The following KANK1 variants were observed in gnomAD, a reference collection of about 807,000 sequenced individuals.
KANK1 encodes KN motif and ankyrin repeat domain-containing protein 1.
KANK1 carries 109 observed loss-of-function variants against 106.2 expected under a neutral mutation model. That is an observed-to-expected ratio of 1.03 (90% CI 0.88 to 1.20). The LOEUF is 1.20. Ranked by LOEUF, KANK1 falls within the 50% of genes most tolerant of loss-of-function variation. The probability of loss-of-function intolerance (pLI) is 0.00; values close to 1 mark genes in which losing one functional copy is unlikely to be tolerated. For missense variants in KANK1, 2,399 were observed against 1,710.7 expected (o/e 1.40, Z -7.10); for synonymous variants, 873 against 652.2 (o/e 1.34, Z -5.16).
At chr9:710,555 C>T (rs1240536330) in intron 2 of KANK1, among the ~76,000 whole-genome samples, 9 of 140,100 alleles carry the variant, frequency 6.4e-5, no homozygotes, top group Non-Finnish European at 1.2e-4. Flanking sequence ...GAGACGGAGG[C>T]TGCAGTGAAC....
intron 1 of KANK1, among the ~76,000 whole-genome samples, chr9:537,315 A>C (rs947867771): frequency 6.6e-6 from 1 of 152,046 alleles, no homozygotes; most frequent in African/African-American, 2.4e-5. Flanking sequence ...TCCACTTGAC[A>C]CTTGGAATTT....
At chr9:631,290 T>C (rs987502689) in intron 1 of KANK1, among the ~76,000 whole-genome samples, 1 of 152,184 alleles carries the variant, frequency 6.6e-6, no homozygotes, top group Non-Finnish European at 1.5e-5. Context: ...GAAAAAGAAA[T>C]GCTGTGCGGC....
At chr9:580,476 A>C (rs1399684586) in intron 1 of KANK1, among the ~76,000 whole-genome samples, 1 of 152,220 alleles carries the variant, frequency 6.6e-6, no homozygotes, top group African/African-American at 2.4e-5. Context: ...TCAATTTTAC[A>C]GAGAGCTGAT....
At chr9:481,499 G>C (rs1010694102) in intron 3 of KANK1, among the ~76,000 whole-genome samples, 1 of 152,178 alleles carries the variant, frequency 6.6e-6, no homozygotes, top group African/African-American at 2.4e-5. Context: ...TGTGGTAGGA[G>C]AAAGTGGAGT....
intron 1 of KANK1, among the ~76,000 whole-genome samples, chr9:547,135 A>G (rs886101144): frequency 6.6e-6 from 1 of 152,190 alleles, no homozygotes; most frequent in Admixed American, 6.5e-5. Context: ...GCCTTCTCAC[A>G]TTGCAGCACG....
intron 1 of KANK1, among the ~76,000 whole-genome samples, chr9:541,790 G>A (rs775126636): frequency 1.1e-4 from 16 of 151,942 alleles, no homozygotes; most frequent in Admixed American, 7.2e-4. Flanking sequence ...ATAAATAACC[G>A]GATTAAAAAA....
chr9:610,454 G>C (rs1306285822), intron 1 of KANK1, among the ~76,000 whole-genome samples: 2 of 152,140 alleles, frequency 1.3e-5, no homozygotes, highest in Non-Finnish European at 2.9e-5. Flanking sequence ...TAAAGTACTG[G>C]TTTAGATACA....
intron 1 of KANK1, among the ~76,000 whole-genome samples, chr9:625,343 T>A (rs1834096251): frequency 6.6e-6 from 1 of 152,232 alleles, no homozygotes; most frequent in Non-Finnish European, 1.5e-5. Flanking sequence ...CATTTGAATC[T>A]TTAAGAACTT....
At chr9:684,604 C>T (rs1818194011) in intron 2 of KANK1, 5 of 984,042 alleles carry the variant, frequency 5.1e-6, no homozygotes, top group Admixed American at 1.2e-4. Context: ...TCTGATTATG[C>T]ACTTCCCCTC....
chr9:519,159 G>A (rs1053295402), intron 1 of KANK1, among the ~76,000 whole-genome samples: 1 of 151,590 alleles, frequency 6.6e-6, no homozygotes, highest in South Asian at 2.1e-4. Context: ...CAAAGTGCTG[G>A]GATTATAGGC....
At chr9:579,562 A>C (rs1025525832) in intron 1 of KANK1, among the ~76,000 whole-genome samples, 5 of 152,064 alleles carry the variant, frequency 3.3e-5, no homozygotes, top group Non-Finnish European at 7.4e-5. Context: ...TCAGCTCCTC[A>C]GCCCCAATTT....
chr9:673,607 G>A (rs547455590), intron 1 of KANK1: 2 of 152,282 alleles, frequency 1.3e-5, no homozygotes, highest in African/African-American at 4.8e-5. Flanking sequence ...GGAAGGGTGG[G>A]AGGCACCAAT....
At position 711,760 on chromosome 9, in the gene KANK1, C is replaced by A. The variant is rs201141655; in HGVS notation, c.994C>A (p.Leu332Met). The part of the protein sequence containing the change: ...RSYSAGNASQ[L>M]EQLSRARRSG... ...CTATAGTGCGGGGAACGCCTCCCAG[C>A]TGGAACAGCTCTCCCGGGCCCGAAG... Residue 332 changes from leucine to methionine, a missense_variant, in exon 3 of 12, where the codon CTG becomes ATG. Transcript: ENST00000382297. 4.6e-5 allele frequency: 75 copies of A among 1,614,096 alleles called. No individual in the cohort carries two copies. Among genetic ancestry groups the A allele is most frequent in the Non-Finnish European group, 1.1e-5 (13 of 1,180,040 alleles).
chr9:627,410 C>A (rs1834615940), intron 1 of KANK1, among the ~76,000 whole-genome samples: 1 of 151,090 alleles, frequency 6.6e-6, no homozygotes. Flanking sequence ...CTTCTGCCCC[C>A]TCCCACTGGA....
chr9:611,460 C>G (rs150443826), intron 1 of KANK1, among the ~76,000 whole-genome samples: 47 of 152,302 alleles, frequency 3.1e-4, no homozygotes, highest in African/African-American at 1.0e-3. Context: ...TGTCCTCTGT[C>G]TCTCATGCTT....
At chr9:670,244 C>T (rs1199930353) in intron 1 of KANK1, among the ~76,000 whole-genome samples, 1 of 152,086 alleles carries the variant, frequency 6.6e-6, no homozygotes, top group South Asian at 2.1e-4. Flanking sequence ...TTGCTTTATA[C>T]ATTTGGGGAG....
At chr9:514,423 A>C (rs948065323) in intron 1 of KANK1, among the ~76,000 whole-genome samples, 1 of 150,074 alleles carries the variant, frequency 6.7e-6, no homozygotes, top group Admixed American at 6.6e-5. Flanking sequence ...CTTTACCCAA[A>C]TGGAGCCACA....
At chr9:589,268 T>G (rs1040455301) in intron 1 of KANK1, among the ~76,000 whole-genome samples, 4 of 152,188 alleles carry the variant, frequency 2.6e-5, no homozygotes, top group African/African-American at 7.2e-5. Context: ...ATTAAGTGGC[T>G]TGCTCACTGA....
At position 518,521 on chromosome 9, in the gene KANK1, G is replaced by A. The variant is rs16917463; in HGVS notation, c.-84+13767G>A. ...GGTTCGGAGCATGGGTTCTAGAATC[G>A]AAACTCTACTATTTCCTGCGAGGTG... On this transcript the variant is annotated intron_variant, in intron 1 of 11. Transcript: ENST00000382297. 1.9e-3 allele frequency among the ~76,000 whole-genome samples: 286 copies of A among 151,792 alleles called. 4 individuals are homozygous for A. In the East Asian group the frequency reaches 0.024, roughly 13 times the overall value.
Sources: allele counts gnomAD v4.1 joint callset (sites outside exome capture counted in the v4.1 genomes callset), GRCh38; gene constraint gnomAD v4.1.1; transcripts MANE v1.5; gene names NCBI Gene and HGNC (gene_info 2026-07-23, HGNC 2026-07-21).